RAC1: variants seen among roughly 807,000 people sequenced by gnomAD.
The protein encoded by RAC1 is Rac family small GTPase 1, also known as ras-related C3 botulinum toxin substrate 1.
A neutral mutation model predicts 25.2 loss-of-function variants in RAC1; 2 were observed. The ratio of observed to expected loss-of-function variants is 0.08; its 90% confidence interval spans 0.03 to 0.25. The LOEUF (loss-of-function observed/expected upper bound fraction) is 0.25, where lower values mean the gene tolerates loss of function less well. Among genes scored for constraint, RAC1 ranks in the 10% least tolerant of loss-of-function variants. The pLI is 1.00. For missense variants in RAC1, 50 were observed against 235.7 expected (o/e 0.21, Z 5.16); for synonymous variants, 88 against 94.0 (o/e 0.94, Z 0.37).
At chr7:6,376,436 G>T (rs1782596854) in intron 1 of RAC1, among the ~76,000 whole-genome samples, 1 of 151,288 alleles carries the variant, frequency 6.6e-6, no homozygotes, top group Non-Finnish European at 1.5e-5. Context: ...CACCCGCCTG[G>T]GTCTCCCAGA....
rs1487423839 is a variant in RAC1, at chr7:6,403,808, TA to T, written c.*1364del. ...AGTGCTGACGATGTTCTGTACAACT[TA>T]ACTCACTGGCGAGAATACAGCGTGG... On this transcript the variant is annotated 3_prime_UTR_variant, in exon 6 of 6. Transcript: ENST00000348035. 3 of 216,808 alleles carry T rather than the reference TA, an allele frequency of 1.4e-5. No individual in the cohort carries two copies. The East Asian group carries it at 2.1e-4, about 15-fold the overall frequency. 13.4% of individuals were successfully genotyped at this position (216,808 alleles called of 1,614,324 possible). A position where few individuals can be genotyped will look rare whatever the true frequency, so the allele number is the denominator to read the frequency against.
intron 4 of RAC1, 109 bp downstream of exon 4, chr7:6,400,297 T>A: frequency 8.7e-7 from 1 of 1,148,228 alleles, no homozygotes; most frequent in Non-Finnish European, 1.3e-6. Context: ...AAATTGGTTT[T>A]AGCAATTTGC....
rs1783460459 is a variant in RAC1, at chr7:6,402,928, G to GC, written c.*483dup. On this transcript the variant is annotated 3_prime_UTR_variant, in exon 6 of 6. Coordinates refer to ENST00000348035, the MANE Select transcript of RAC1 (RefSeq NM_006908.5). The stretch of plus-strand genomic sequence containing the variant: ...AAAGCAGAACAGCCTCCCGAATGAA[G>GC]CGTTGCCATTGAACTCACCAGTGAG... The GC allele has an allele frequency of 5.2e-6, 1 of 191,148 alleles. No homozygotes were observed. The highest frequency in any genetic ancestry group is 6.2e-5 in the Admixed American group (1 of 16,234). The allele number at this position is 191,148 out of a possible 1,614,324, so 11.8% of individuals were successfully genotyped here. A position where few individuals can be genotyped will look rare whatever the true frequency, so the allele number is the denominator to read the frequency against.
intron 1 of RAC1, among the ~76,000 whole-genome samples, chr7:6,377,288 G>T (rs1316676045): frequency 6.6e-6 from 1 of 151,914 alleles, no homozygotes; most frequent in Non-Finnish European, 1.5e-5. Flanking sequence ...CTACAGCTAA[G>T]TGATATTAGA....
intron 1 of RAC1, among the ~76,000 whole-genome samples, chr7:6,383,016 A>G (rs1429437994): frequency 1.3e-5 from 2 of 152,262 alleles, no homozygotes; most frequent in African/African-American, 4.8e-5. Context: ...GGGAAATCCA[A>G]TGTAGAAATG....
intron 3 of RAC1, among the ~76,000 whole-genome samples, chr7:6,395,791 G>A (rs1306292381): frequency 6.6e-6 from 1 of 152,208 alleles, no homozygotes; most frequent in Non-Finnish European, 1.5e-5. Flanking sequence ...GAGCCACTGC[G>A]CCTGGCCAGA....
chr7:6,383,784 C>CTTTTTTTTTTTTTTTTTTTTTTT (rs34847745), intron 1 of RAC1, among the ~76,000 whole-genome samples: 3 of 39,802 alleles, frequency 7.5e-5, no homozygotes, highest in Non-Finnish European at 9.3e-5. Flanking sequence ...CAACCTTTAT[C>CTTTTTTTTTTTTTTTTTTTTTTT]TTTTTTTTTT....
At chr7:6,386,529 C>T (rs1001796561) in intron 1 of RAC1, among the ~76,000 whole-genome samples, 1 of 151,950 alleles carries the variant, frequency 6.6e-6, no homozygotes, top group South Asian at 2.1e-4. Context: ...AGCCTGTAAT[C>T]CCAGCACTTT....
intron 1 of RAC1, among the ~76,000 whole-genome samples, chr7:6,378,512 C>T (rs896380864): frequency 9.9e-5 from 15 of 151,848 alleles, no homozygotes; most frequent in African/African-American, 3.4e-4. Context: ...TGTCACTGCA[C>T]TCCAGCCTGG....
intron 3 of RAC1, 64 bp downstream of exon 3, chr7:6,392,105 G>C: frequency 6.2e-7 from 1 of 1,606,526 alleles, no homozygotes; most frequent in South Asian, 1.1e-5. Flanking sequence ...CGCTTAATTA[G>C]TGCATGTTAC....
At chr7:6,401,736 A>G in intron 4 of RAC1, 132 bp from the exon 5 acceptor site, 1 of 870,052 alleles carries the variant, frequency 1.1e-6, no homozygotes, top group Non-Finnish European at 1.8e-6. Context: ...GGTGGGAACC[A>G]CCTGAAGCCT....
intron 1 of RAC1, 92 bp downstream of exon 1, chr7:6,374,862 G>C: frequency 1.0e-6 from 1 of 1,000,996 alleles, no homozygotes. Flanking sequence ...GCCGGCGTCC[G>C]CCGCGGTCTC....
chr7:6,400,062 A>C, intron 3 of RAC1, 64 bp from the exon 4 acceptor site: 6 of 1,439,388 alleles, frequency 4.2e-6, no homozygotes, highest in Non-Finnish European at 5.9e-6. Flanking sequence ...ACATGTAGAA[A>C]GCAAAGTGCA....
At chr7:6,374,803 G>A in intron 1 of RAC1, 33 bp downstream of exon 1, 3 of 1,105,412 alleles carry the variant, frequency 2.7e-6, no homozygotes, top group South Asian at 8.3e-5. Flanking sequence ...GCTGGAGGCC[G>A]CGGGATCGGG....
chr7:6,375,666 C>T (rs1486664115), intron 1 of RAC1, among the ~76,000 whole-genome samples: 2 of 151,044 alleles, frequency 1.3e-5, no homozygotes, highest in Non-Finnish European at 2.9e-5. Context: ...TCTTTTCTTT[C>T]TTTCTTTTTT....
intron 2 of RAC1, chr7:6,391,635 C>T: frequency 5.1e-6 from 2 of 394,352 alleles, no homozygotes; most frequent in Non-Finnish European, 9.2e-6. Context: ...GGATAAAAGT[C>T]TTAAACTTTG....
intron 4 of RAC1, among the ~76,000 whole-genome samples, chr7:6,400,639 TTTTA>T (rs1421876653): frequency 2.6e-5 from 4 of 152,060 alleles, no homozygotes; most frequent in Non-Finnish European, 5.9e-5. Flanking sequence ...CAGCAGTTTA[TTTTA>T]TTTATTTATT....
intron 1 of RAC1, among the ~76,000 whole-genome samples, chr7:6,379,235 G>A (rs1483715917): frequency 6.6e-6 from 1 of 151,044 alleles, no homozygotes. Context: ...CCAAGTAGCT[G>A]GAACTACACG....
chr7:6,391,789 C>A (rs836479), intron 2 of RAC1, 135 bp from the exon 3 acceptor site: 158,032 of 1,410,936 alleles, frequency 0.11, 18,930 homozygotes, highest in East Asian at 0.59. Context: ...CTCCTTGTGC[C>A]TGCAGGGACA....
Sources: allele counts gnomAD v4.1 joint callset (sites outside exome capture counted in the v4.1 genomes callset), GRCh38; gene constraint gnomAD v4.1.1; transcripts MANE v1.5; gene names NCBI Gene and HGNC (gene_info 2026-07-23, HGNC 2026-07-21).